The following SOS1 variants were observed in gnomAD, a reference collection of about 807,000 sequenced individuals.
The protein encoded by SOS1 is SOS Ras/Rac guanine nucleotide exchange factor 1, also known as son of sevenless homolog 1.
In SOS1, 25 loss-of-function variants were observed where a neutral mutation model predicts 157.6. The ratio of observed to expected loss-of-function variants is 0.16; its 90% CI spans 0.12 to 0.22. The LOEUF is 0.22. Among genes scored for constraint, SOS1 ranks in the 10% least tolerant of loss-of-function variants. The pLI is 1.00. For missense variants in SOS1, 1,237 were observed against 1,599.1 expected (o/e 0.77, Z 3.86); for synonymous variants, 528 against 534.0 (o/e 0.99, Z 0.16).
rs148543652 is a variant in SOS1, at chr2:39,116,495, C to T, written c.87+3841G>A. 7.2e-3 allele frequency among the ~76,000 whole-genome samples: 1,103 copies of T among 152,338 alleles called. 7 individuals carry two copies. The highest frequency in any genetic ancestry group is 0.014 in the Middle Eastern group (4 of 294). On this transcript the variant is annotated intron_variant, in intron 1 of 22. Coordinates refer to ENST00000402219, the MANE Select transcript of SOS1 (RefSeq NM_005633.4). ...GCTTCTAACTTTTCTCCTCACTTTACGTCTCATTCTTCTCCAAACCATTTT... is the reference window on the plus strand; with the variant it reads ...GCTTCTAACTTTTCTCCTCACTTTATGTCTCATTCTTCTCCAAACCATTTT...
chr2:39,023,280 C>T, intron 9 of SOS1, 55 bp from the exon 10 acceptor site: 3 of 1,348,470 alleles, frequency 2.2e-6, no homozygotes, highest in Non-Finnish European at 3.2e-6. Flanking sequence ...ACCTAGAGCT[C>T]ATGTAAGTAA....
intron 6 of SOS1, among the ~76,000 whole-genome samples, chr2:39,047,175 T>C (rs567821125): frequency 9.4e-4 from 143 of 152,338 alleles, no homozygotes; most frequent in Middle Eastern, 6.8e-3. Flanking sequence ...ACTTCCCATA[T>C]ATCAATATAT....
At chr2:39,010,418 T>C (rs1174561609) in intron 15 of SOS1, among the ~76,000 whole-genome samples, 166 bp downstream of exon 15, 1 of 151,532 alleles carries the variant, frequency 6.6e-6, no homozygotes, top group Non-Finnish European at 1.5e-5. Context: ...GGTGGGAGGA[T>C]CGCTTGAGCC....
intron 1 of SOS1, among the ~76,000 whole-genome samples, chr2:39,079,445 G>T (rs1257307598): frequency 3.4e-5 from 5 of 147,904 alleles, no homozygotes; most frequent in Middle Eastern, 3.3e-3. Context: ...GAAAGAAGAT[G>T]TAATCAGTAA....
chr2:39,114,601 T>C (rs1261830390), intron 1 of SOS1, among the ~76,000 whole-genome samples: 3 of 151,808 alleles, frequency 2.0e-5, no homozygotes, highest in African/African-American at 7.3e-5. Flanking sequence ...CTGGCCCGGC[T>C]GATTTGTTTT....
chr2:39,000,876 C>G, intron 17 of SOS1, among the ~76,000 whole-genome samples: 1 of 152,230 alleles, frequency 6.6e-6, no homozygotes, highest in African/African-American at 2.4e-5. Context: ...ATTTAAAAGA[C>G]AGGCCAGGAT....
At position 38,985,619 on chromosome 2, in the gene SOS1, G is replaced by C. The variant is rs556536712; in HGVS notation, c.*205C>G. Reference sequence around the variant, plus strand: ...ATCAGTTGTCCAATTCCTCTAGGTCGGTCTTTCCATATTCTAAACTGGAAT... The same window carrying C: ...ATCAGTTGTCCAATTCCTCTAGGTCCGTCTTTCCATATTCTAAACTGGAAT... On this transcript the variant is annotated 3_prime_UTR_variant, in exon 23 of 23. Transcript: ENST00000402219. 3.4e-6 allele frequency: 2 copies of C among 594,830 alleles called. No individual in the cohort carries two copies. Among genetic ancestry groups the C allele is most frequent in the Admixed American group, 2.9e-5 (1 of 35,082 alleles). 36.8% of individuals were successfully genotyped at this position (594,830 alleles called of 1,614,324 possible).
Position 39,037,542 on chromosome 2 carries a change from C to T in SOS1, c.865-2042G>A, listed in dbSNP as rs544612069. Among the ~76,000 whole-genome samples the T allele has an allele frequency of 3.3e-5, 5 of 151,940 alleles. No homozygotes were observed. In the South Asian group the frequency reaches 8.3e-4, roughly 25 times the overall value. ...TTTTTCACAATTATAAAAAAAAATT[C>T]TGTAATTTGCACTTGGTATGCAGGT... On this transcript the variant is annotated intron_variant, in intron 6 of 22. Transcript: ENST00000402219.
chr2:39,116,260 A>G (rs1053812079), intron 1 of SOS1, among the ~76,000 whole-genome samples: 1 of 152,194 alleles, frequency 6.6e-6, no homozygotes, highest in African/African-American at 2.4e-5. Flanking sequence ...CTTCTCCTAC[A>G]TTCTCTATCC....
At chr2:39,048,665 G>A (rs7582586) in intron 6 of SOS1, among the ~76,000 whole-genome samples, 12,298 of 151,990 alleles carry the variant, frequency 0.081, 1,769 homozygotes, top group African/African-American at 0.28. Context: ...GTCTCCCAAA[G>A]TGCTGGGATT....
chr2:39,019,003 C>T (rs537539038), intron 10 of SOS1, among the ~76,000 whole-genome samples: 4 of 151,658 alleles, frequency 2.6e-5, no homozygotes, highest in African/African-American at 7.2e-5. Flanking sequence ...GTTAAAACAC[C>T]GAAACTGAGC....
At chr2:39,119,953 T>C (rs1024852604) in intron 1 of SOS1, among the ~76,000 whole-genome samples, 4 of 152,132 alleles carry the variant, frequency 2.6e-5, no homozygotes, top group African/African-American at 4.8e-5. Context: ...ACCAGCGTAC[T>C]GGACACCTAA....
At position 39,120,974 on chromosome 2, in the gene SOS1, G is replaced by A. The variant is rs933469120; in HGVS notation, c.-552C>T. On this transcript the variant is annotated 5_prime_UTR_variant, in exon 1 of 23. Transcript: ENST00000402219. ...GGGAATCTGGCTGCCCTGAGGTGCCGCCGCGGCCGCCGCCGCCACCGCCGC... is the reference window on the plus strand; with the variant it reads ...GGGAATCTGGCTGCCCTGAGGTGCCACCGCGGCCGCCGCCGCCACCGCCGC... 2 of 175,842 alleles carry A rather than the reference G, an allele frequency of 1.1e-5. No homozygotes were observed. Among genetic ancestry groups the A allele is most frequent in the Non-Finnish European group, 2.3e-5 (2 of 86,164 alleles). The allele number at this position is 175,842 out of a possible 1,614,324, so 10.9% of individuals were successfully genotyped here.
intron 2 of SOS1, among the ~76,000 whole-genome samples, chr2:39,061,272 G>C (rs1416257359): frequency 7.0e-6 from 1 of 142,390 alleles, no homozygotes; most frequent in African/African-American, 2.6e-5. Flanking sequence ...AAAAAAAAAG[G>C]TGTTTTGAAT....
intron 1 of SOS1, among the ~76,000 whole-genome samples, chr2:39,118,591 G>A (rs34766362): frequency 0.18 from 27,835 of 152,108 alleles, 3,164 homozygotes; most frequent in Non-Finnish European, 0.25. Flanking sequence ...AAGGACAAGT[G>A]GGGGCTGTGG....
intron 1 of SOS1, among the ~76,000 whole-genome samples, chr2:39,069,984 C>T (rs1671742387): frequency 6.6e-6 from 1 of 152,102 alleles, no homozygotes; most frequent in Non-Finnish European, 1.5e-5. Flanking sequence ...TACAAGTATC[C>T]CTGTTAGGTG....
chr2:39,073,914 T>G (rs963578171), intron 1 of SOS1, among the ~76,000 whole-genome samples: 2 of 152,234 alleles, frequency 1.3e-5, no homozygotes, highest in African/African-American at 4.8e-5. Context: ...AGACAGAATT[T>G]GAGATAAAAC....
chr2:39,086,343 C>A (rs890609684), intron 1 of SOS1, among the ~76,000 whole-genome samples: 1 of 152,124 alleles, frequency 6.6e-6, no homozygotes, highest in Middle Eastern at 3.4e-3. Context: ...AGATCACTGG[C>A]CAGATACAGG....
chr2:39,054,474 A>G, intron 5 of SOS1, 140 bp downstream of exon 5: 2 of 624,562 alleles, frequency 3.2e-6, no homozygotes, highest in Non-Finnish European at 2.8e-6. Context: ...CTGTTGTAAA[A>G]CTTTGTGATC....
Sources: gnomAD v4.1 joint callset for allele counts (sites outside exome capture counted in the v4.1 genomes callset) on GRCh38, gnomAD v4.1.1 for gene constraint, MANE v1.5 for transcripts, NCBI Gene and HGNC (gene_info 2026-07-23, HGNC 2026-07-21) for gene names.